ANLN: variants seen among roughly 807,000 people sequenced by gnomAD.
ANLN encodes the protein anillin.
A neutral mutation model predicts 135.1 loss-of-function variants in ANLN; 59 were observed. That is an observed-to-expected ratio of 0.44 (90% CI 0.35 to 0.54). The LOEUF (loss-of-function observed/expected upper bound fraction) is 0.54. Among genes scored for constraint, ANLN ranks in the 20% least tolerant of loss-of-function variants. ANLN has a pLI of 0.00. For synonymous variants in ANLN, 406 were observed against 456.4 expected, an observed-to-expected ratio of 0.89 and a Z score of 1.41; for missense variants, 1,182 against 1,340.0, an observed-to-expected ratio of 0.88 and a Z score of 1.84.
At chr7:36,421,607 A>G (rs1787878486) in intron 12 of ANLN, among the ~76,000 whole-genome samples, 1 of 152,118 alleles carries the variant, frequency 6.6e-6, no homozygotes. Flanking sequence ...GTTGGATGTA[A>G]CCCCAATTTT....
At chr7:36,426,857 G>A in intron 19 of ANLN, 59 bp from the exon 20 acceptor site, 1 of 1,047,828 alleles carries the variant, frequency 9.5e-7, no homozygotes, top group Non-Finnish European at 1.4e-6. Context: ...GTGAGGAATT[G>A]TTACTTATAC....
chr7:36,408,476 C>T (rs1434349618), intron 5 of ANLN, among the ~76,000 whole-genome samples: 2 of 152,026 alleles, frequency 1.3e-5, no homozygotes, highest in Non-Finnish European at 2.9e-5. Context: ...GTATATATTT[C>T]GGGAGTACAT....
At chr7:36,423,620 A>G (rs903526952) in intron 14 of ANLN, among the ~76,000 whole-genome samples, 197 bp from the exon 15 acceptor site, 7 of 152,130 alleles carry the variant, frequency 4.6e-5, no homozygotes, top group African/African-American at 1.7e-4. Context: ...GACCTTGATG[A>G]TGCTTATTTC....
intron 3 of ANLN, among the ~76,000 whole-genome samples, chr7:36,404,551 A>C (rs1787108821): frequency 6.6e-6 from 1 of 152,166 alleles, no homozygotes; most frequent in African/African-American, 2.4e-5. Context: ...TCACAATTTC[A>C]TGGAAGAAGA....
chr7:36,399,041 A>G (rs748967367), intron 2 of ANLN, 38 bp from the exon 3 acceptor site: 27 of 1,516,848 alleles, frequency 1.8e-5, no homozygotes, highest in Non-Finnish European at 2.3e-5. Flanking sequence ...GTGAGAAATT[A>G]CAAATTTGAA....
At chr7:36,452,426 A>G in intron 23 of ANLN, 51 bp from the exon 24 acceptor site, 1 of 1,610,220 alleles carries the variant, frequency 6.2e-7, no homozygotes, top group African/African-American at 1.3e-5. Context: ...ACATGGGGGT[A>G]TGGAATGGAG....
At chr7:36,451,442 G>A (rs1789239158) in intron 23 of ANLN, among the ~76,000 whole-genome samples, 1 of 152,190 alleles carries the variant, frequency 6.6e-6, no homozygotes, top group Non-Finnish European at 1.5e-5. Flanking sequence ...ACCATGGCAG[G>A]TCACTTAACT....
intron 7 of ANLN, among the ~76,000 whole-genome samples, chr7:36,415,329 G>A (rs1200904413): frequency 1.3e-5 from 2 of 152,154 alleles, no homozygotes; most frequent in Admixed American, 6.5e-5. Context: ...AGATGTTATA[G>A]GTGTGGGTTG....
At position 36,415,842 on chromosome 7, in the gene ANLN, GA is replaced by G; in HGVS notation, c.1484del (p.Asn495ThrfsTer20). 6.2e-7 allele frequency: 1 copy of G among 1,607,214 alleles called. No individual in the cohort carries two copies. The highest frequency in any genetic ancestry group is 8.5e-7 in the Non-Finnish European group (1 of 1,177,718). ...ACTTCCAGTAACAGAAAAGGTGACCGAAAACCAGATACCAGCCAAAAATTCT... is the reference window on the plus strand; with the variant it reads ...ACTTCCAGTAACAGAAAAGGTGACCGAAACCAGATACCAGCCAAAAATTCT... ...QSLPVTEKVT[E>X]NQIPAKNSST... On this transcript the variant is annotated frameshift_variant, in exon 8 of 24. Transcript: ENST00000265748. LOFTEE classifies it high-confidence loss of function.
chr7:36,427,762 G>A (rs537688127), intron 20 of ANLN, among the ~76,000 whole-genome samples: 2 of 152,320 alleles, frequency 1.3e-5, no homozygotes, highest in East Asian at 3.9e-4. Flanking sequence ...GAATCTAAGA[G>A]ATTTCCTTCT....
At chr7:36,444,966 G>C (rs1211253372) in intron 22 of ANLN, among the ~76,000 whole-genome samples, 1 of 151,612 alleles carries the variant, frequency 6.6e-6, no homozygotes, top group African/African-American at 2.4e-5. Context: ...CATCCAAAAG[G>C]GCGTAAAATA....
chr7:36,392,974 T>G (rs559787720), intron 1 of ANLN, among the ~76,000 whole-genome samples: 1 of 152,064 alleles, frequency 6.6e-6, no homozygotes, highest in African/African-American at 2.4e-5. Flanking sequence ...ATATAGCAAT[T>G]GAAAAATTAC....
intron 1 of ANLN, chr7:36,390,512 G>C (rs1439636194): frequency 6.0e-6 from 1 of 166,370 alleles, no homozygotes; most frequent in Admixed American, 6.2e-5. Context: ...AGATGCTAAT[G>C]AAATGACAGC....
At chr7:36,396,943 A>G (rs905002604) in intron 2 of ANLN, among the ~76,000 whole-genome samples, 3 of 152,158 alleles carry the variant, frequency 2.0e-5, no homozygotes, top group Non-Finnish European at 4.4e-5. Context: ...ACACACACAC[A>G]TACACACAAA....
intron 22 of ANLN, among the ~76,000 whole-genome samples, chr7:36,447,311 A>G (rs964833052): frequency 2.6e-5 from 4 of 152,104 alleles, no homozygotes; most frequent in African/African-American, 9.7e-5. Flanking sequence ...ACTTAAAGGA[A>G]GCACTTTATG....
At chr7:36,440,036 G>A (rs1478252121) in intron 21 of ANLN, among the ~76,000 whole-genome samples, 1 of 152,232 alleles carries the variant, frequency 6.6e-6, no homozygotes, top group East Asian at 1.9e-4. Flanking sequence ...AGACTAGTCA[G>A]TTCCCACCAA....
chr7:36,419,311 C>T lies in ANLN; in HGVS notation c.1701C>T (p.Asp567=), dbSNP rs771198371. 2.5e-5 allele frequency: 41 copies of T among 1,613,844 alleles called. No individual in the cohort carries two copies. The highest frequency in any genetic ancestry group is 1.6e-4 in the Middle Eastern group (1 of 6,084). The change falls in exon 10 of 24, where the codon GAC becomes GAT. Residue 567 remains aspartate, a synonymous_variant. Coordinates refer to ENST00000265748, the MANE Select transcript of ANLN (RefSeq NM_018685.5). ...TCAATAGTTCGAAAGTAATTAATGACCTCTTCAGTGATGTCCTAGAGGAAG... is the reference window on the plus strand; with the variant it reads ...TCAATAGTTCGAAAGTAATTAATGATCTCTTCAGTGATGTCCTAGAGGAAG... ...DDINSSKVIN[D]LFSDVLEEGE... is the part of the protein sequence containing the mutation.
In ANLN at chr7:36,416,994, GAA is replaced by G. The variant is rs3837109; in HGVS notation, c.1523-77_1523-76del. ...AAACGAATACATAGTTTTATAATCA[GAA>G]AAAAAAAACACACACAAGATTCCAT... On this transcript the variant is annotated intron_variant, in intron 8 of 23. Transcript: ENST00000265748. 8.6e-4 allele frequency: 503 copies of G among 583,874 alleles called. 1 individual carries two copies. The highest frequency in any genetic ancestry group is 1.2e-3 in the Non-Finnish European group (430 of 368,150). 36.2% of individuals were successfully genotyped at this position (583,874 alleles called of 1,614,324 possible). A position where few individuals can be genotyped will look rare whatever the true frequency, so the allele number is the denominator to read the frequency against.
intron 14 of ANLN, among the ~76,000 whole-genome samples, chr7:36,423,252 T>C (rs1310966437): frequency 1.3e-5 from 2 of 152,020 alleles, no homozygotes; most frequent in African/African-American, 2.4e-5. Flanking sequence ...TAAATGGAGG[T>C]TGTGAAAGGT....
Sources: allele counts gnomAD v4.1 joint callset (sites outside exome capture counted in the v4.1 genomes callset), GRCh38; gene constraint gnomAD v4.1.1; transcripts MANE v1.5; gene names NCBI Gene and HGNC (gene_info 2026-07-23, HGNC 2026-07-21).